The following CDC14A variants were observed in gnomAD, a reference collection of about 807,000 sequenced individuals.
CDC14A encodes the protein cell division cycle 14A.
CDC14A carries 53 observed loss-of-function variants against 74.4 expected under a neutral mutation model. The observed-to-expected ratio is 0.71, with a 90% CI of 0.57 to 0.89. The LOEUF is 0.89. CDC14A is among the 40% of genes least tolerant of loss of function. The pLI, the probability that CDC14A is intolerant of heterozygous loss-of-function variation, is 0.00. For synonymous variants in CDC14A, 247 were observed against 258.4 expected (o/e 0.96, Z 0.43); for missense variants, 646 against 713.7 (o/e 0.91, Z 1.08).
chr1:100,374,173 T>C (rs531333718), intron 2 of CDC14A, among the ~76,000 whole-genome samples: 1 of 152,350 alleles, frequency 6.6e-6, no homozygotes, highest in South Asian at 2.1e-4. Context: ...CATGGTTGTA[T>C]ATGTGCCACA....
At chr1:100,394,950 T>A (rs1172306670) in intron 4 of CDC14A, among the ~76,000 whole-genome samples, 1 of 152,220 alleles carries the variant, frequency 6.6e-6, no homozygotes, top group Non-Finnish European at 1.5e-5. Context: ...GTTGGATAAG[T>A]GTCCGTTTTC....
At chr1:100,471,916 T>A (rs920692024) in intron 10 of CDC14A, among the ~76,000 whole-genome samples, 1 of 152,174 alleles carries the variant, frequency 6.6e-6, no homozygotes, top group Non-Finnish European at 1.5e-5. Flanking sequence ...AATAATGTAT[T>A]CATACTTTGA....
At chr1:100,484,870 CT>C in intron 11 of CDC14A, 1 of 981,894 alleles carries the variant, frequency 1.0e-6, no homozygotes, top group Non-Finnish European at 1.2e-6. Flanking sequence ...GATTAGGGCA[CT>C]TTTTTAAAAA....
At chr1:100,476,439 C>T (rs985385775) in intron 10 of CDC14A, among the ~76,000 whole-genome samples, 7 of 151,854 alleles carry the variant, frequency 4.6e-5, no homozygotes, top group African/African-American at 1.7e-4. Flanking sequence ...CACAGCAGGA[C>T]TCTGTTGAAA....
chr1:100,442,156 GT>G (rs76819662), intron 6 of CDC14A, among the ~76,000 whole-genome samples: 31 of 141,588 alleles, frequency 2.2e-4, no homozygotes, highest in Non-Finnish European at 2.2e-4. Context: ...ATAAAAATAT[GT>G]TTTTTTTTTT....
At chr1:100,351,618 C>T, upstream of CDC14A, 2 of 724,098 alleles carry the variant, frequency 2.8e-6, no homozygotes, top group East Asian at 2.7e-5. Context: ...TCCTCTCTCT[C>T]CTGTTCCCTC....
At position 100,481,268 on chromosome 1, in the gene CDC14A, T is replaced by C. The variant is rs182816487; in HGVS notation, c.978-3024T>C. On this transcript the variant is annotated intron_variant, in intron 10 of 15. Coordinates refer to ENST00000336454, the MANE Select transcript of CDC14A (RefSeq NM_003672.4). ...GGAGTGACCAAACAGTGGCTTTGGA[T>C]GGACTTTGGGGTCAGGGTTGAGTTT... is the stretch of plus-strand genomic sequence containing the variant. Among the ~76,000 whole-genome samples, 908 of 152,312 alleles carry C rather than the reference T, an allele frequency of 6.0e-3. 3 individuals carry two copies. The highest frequency in any genetic ancestry group is 8.7e-3 in the Non-Finnish European group (591 of 68,014).
chr1:100,350,075 C>T (rs1282165706), upstream of CDC14A, among the ~76,000 whole-genome samples: 1 of 152,068 alleles, frequency 6.6e-6, no homozygotes, highest in African/African-American at 2.4e-5. Context: ...CCTCAGCCTC[C>T]CTAGTAGCTG....
intron 10 of CDC14A, among the ~76,000 whole-genome samples, chr1:100,474,803 T>G (rs932215141): frequency 2.0e-5 from 3 of 152,092 alleles, no homozygotes; most frequent in Admixed American, 1.3e-4. Flanking sequence ...TTGTTTTTAA[T>G]TTCATTGGTT....
At chr1:100,509,742 A>G (rs1227866008) in intron 15 of CDC14A, among the ~76,000 whole-genome samples, 1 of 152,258 alleles carries the variant, frequency 6.6e-6, no homozygotes, top group Non-Finnish European at 1.5e-5. Context: ...TCTCCTTGAT[A>G]GTGAATGTCT....
intron 6 of CDC14A, 130 bp from the exon 7 acceptor site, chr1:100,442,804 A>C (rs1196562817): frequency 1.5e-6 from 1 of 664,820 alleles, no homozygotes; most frequent in African/African-American, 1.9e-5. Flanking sequence ...CTAGATATGC[A>C]TTAAACATCA....
chr1:100,414,268 C>A (rs1360034494), intron 4 of CDC14A, among the ~76,000 whole-genome samples: 1 of 151,010 alleles, frequency 6.6e-6, no homozygotes. Context: ...GAGTTCGAGA[C>A]CAGCGTGGGC....
At chr1:100,462,567 C>A (rs182113768) in intron 8 of CDC14A, 84 bp from the exon 9 acceptor site, 2 of 1,041,040 alleles carry the variant, frequency 1.9e-6, no homozygotes, top group East Asian at 2.5e-5. Context: ...GAGATTTATA[C>A]ACTTCATTGT....
chr1:100,447,390 G>C (rs1444732743), intron 7 of CDC14A, among the ~76,000 whole-genome samples: 2 of 152,232 alleles, frequency 1.3e-5, no homozygotes, highest in Non-Finnish European at 2.9e-5. Flanking sequence ...GAACTGTACA[G>C]TTCCTTACAT....
Position 100,408,867 on chromosome 1 carries a change from C to T in CDC14A, c.310-15355C>T, listed in dbSNP as rs561384084. On this transcript the variant is annotated intron_variant, in intron 4 of 15. Transcript: ENST00000336454. ...TTATGTTGGGGACATTCAATATCCT[C>T]CTTCTAGCTATTTGAAACCATATAT... Among the ~76,000 whole-genome samples the T allele has an allele frequency of 3.3e-5, 5 of 152,300 alleles. No homozygotes were observed. The South Asian group carries it at 1.0e-3, about 32-fold the overall frequency.
At chr1:100,502,955 A>G (rs1304413271) in intron 15 of CDC14A, among the ~76,000 whole-genome samples, 1 of 152,184 alleles carries the variant, frequency 6.6e-6, no homozygotes, top group Non-Finnish European at 1.5e-5. Context: ...AAAGAAAAGC[A>G]TTTATAAATA....
chr1:100,509,770 A>T (rs1649562818), intron 15 of CDC14A, among the ~76,000 whole-genome samples: 1 of 152,230 alleles, frequency 6.6e-6, no homozygotes, highest in Admixed American at 6.5e-5. Flanking sequence ...TCAAAGGTTG[A>T]TATATGTGGG....
intron 3 of CDC14A, among the ~76,000 whole-genome samples, chr1:100,378,824 GAT>G (rs1288795256): frequency 6.6e-6 from 1 of 152,130 alleles, no homozygotes; most frequent in East Asian, 1.9e-4. Flanking sequence ...GACTTGAAAA[GAT>G]ACATGTAAAT....
intron 2 of CDC14A, among the ~76,000 whole-genome samples, chr1:100,374,621 T>C (rs1267891226): frequency 1.3e-5 from 2 of 152,208 alleles, no homozygotes; most frequent in Non-Finnish European, 2.9e-5. Context: ...GTAATATAAA[T>C]TTCAAAATAT....
Sources: gnomAD v4.1 joint callset for allele counts (sites outside exome capture counted in the v4.1 genomes callset) on GRCh38, gnomAD v4.1.1 for gene constraint, MANE v1.5 for transcripts, NCBI Gene and HGNC (gene_info 2026-07-23, HGNC 2026-07-21) for gene names.